The following BTBD9 variants were observed in gnomAD, a reference collection of about 807,000 sequenced individuals.
BTBD9 encodes the protein BTB/POZ domain-containing protein 9.
BTBD9 carries 49 observed loss-of-function variants against 64.3 expected under a neutral mutation model. That is an observed-to-expected ratio of 0.76 (90% CI 0.61 to 0.97). The LOEUF (loss-of-function observed/expected upper bound fraction) is 0.97, where lower values mean the gene tolerates loss of function less well. Among genes scored for constraint, BTBD9 ranks in the 50% least tolerant of loss-of-function variants. The probability of loss-of-function intolerance (pLI) is 0.00; values close to 1 mark genes in which losing one functional copy is unlikely to be tolerated. For missense variants in BTBD9, 598 were observed against 762.1 expected, an observed-to-expected ratio of 0.78 and a Z score of 2.53; for synonymous variants, 260 against 274.7, an observed-to-expected ratio of 0.95 and a Z score of 0.53.
In BTBD9 at chr6:38,290,381, G is replaced by GA. The variant is rs557497781; in HGVS notation, c.1265-1921dup. Among the ~76,000 whole-genome samples the GA allele has an allele frequency of 1.9e-3, 284 of 151,480 alleles. 1 individual carries two copies. Among genetic ancestry groups the GA allele is most frequent in the African/African-American group, 6.5e-3 (268 of 41,268 alleles). On this transcript the variant is annotated intron_variant, in intron 7 of 10. Transcript: ENST00000481247. The stretch of plus-strand genomic sequence containing the variant: ...TAAGTTATGGTACTTCTATCTCCTG[G>GA]AAAAAGGGCAGTATTCTTTGATTTG...
rs545387567 is a variant in BTBD9, at chr6:38,299,974, G to A, written c.1265-11513C>T. On this transcript the variant is annotated intron_variant, in intron 7 of 10. Transcript: ENST00000481247. ...TGGTATTGCCTAGGTTTTCTTCTAG[G>A]GTTTTTATGATTTTAGGTCTAACAT... is the stretch of plus-strand genomic sequence containing the variant. 5.6e-3 allele frequency among the ~76,000 whole-genome samples: 852 copies of A among 152,152 alleles called. 12 individuals carry two copies. Among genetic ancestry groups the A allele is most frequent in the African/African-American group, 0.019 (789 of 41,504 alleles).
At chr6:38,606,495 ATTAT>A (rs1777437056) in intron 1 of BTBD9, among the ~76,000 whole-genome samples, 1 of 131,810 alleles carries the variant, frequency 7.6e-6, no homozygotes, top group Non-Finnish European at 1.8e-5. Flanking sequence ...GTGACCTTTG[ATTAT>A]TTTAAATGAT....
At chr6:38,422,964 A>C (rs1232651105) in intron 6 of BTBD9, among the ~76,000 whole-genome samples, 2 of 151,970 alleles carry the variant, frequency 1.3e-5, no homozygotes, top group Non-Finnish European at 1.5e-5. Context: ...TCTCTATTTA[A>C]ATATATATTT....
At chr6:38,547,333 G>C (rs1774597601) in intron 6 of BTBD9, among the ~76,000 whole-genome samples, 2 of 152,180 alleles carry the variant, frequency 1.3e-5, no homozygotes, top group African/African-American at 4.8e-5. Context: ...AGGAGGCTGA[G>C]GTGGGAGGAT....
chr6:38,230,937 T>C (rs1763584566), intron 9 of BTBD9, among the ~76,000 whole-genome samples: 1 of 152,240 alleles, frequency 6.6e-6, no homozygotes. Flanking sequence ...TTATCAGTAG[T>C]TGAAACTTCC....
chr6:38,579,948 A>G (rs1428015602), intron 5 of BTBD9, among the ~76,000 whole-genome samples: 1 of 152,250 alleles, frequency 6.6e-6, no homozygotes, highest in African/African-American at 2.4e-5. Flanking sequence ...TAATGAGATT[A>G]CTAGCAATTT....
At chr6:38,214,109 G>A (rs928459956) in intron 9 of BTBD9, among the ~76,000 whole-genome samples, 8 of 151,858 alleles carry the variant, frequency 5.3e-5, no homozygotes, top group Non-Finnish European at 8.8e-5. Context: ...ATGACTTTTC[G>A]GGTCTGTCTG....
chr6:38,515,920 T>C (rs1773004316), intron 6 of BTBD9, among the ~76,000 whole-genome samples: 1 of 152,238 alleles, frequency 6.6e-6, no homozygotes, highest in Non-Finnish European at 1.5e-5. Flanking sequence ...ATTGGTAATG[T>C]TCTCTTTTTC....
rs553617384 is a variant in BTBD9 at position 38,206,077 on chromosome 6, G to A, written c.1563-13480C>T. On this transcript the variant is annotated intron_variant, in intron 9 of 10. Transcript: ENST00000481247. Reference sequence around the variant, plus strand: ...GGCAGCTTATGGGAACATCTCAAGGGAGAAAGAGAAACTAATTGACCAGAT... The same window carrying A: ...GGCAGCTTATGGGAACATCTCAAGGAAGAAAGAGAAACTAATTGACCAGAT... 9.9e-5 allele frequency among the ~76,000 whole-genome samples: 15 copies of A among 152,004 alleles called. No individual in the cohort carries two copies. The Middle Eastern group carries it at 0.01, about 103-fold the overall frequency.
chr6:38,527,262 T>C (rs1773545609), intron 6 of BTBD9, among the ~76,000 whole-genome samples: 1 of 32,312 alleles, frequency 3.1e-5, no homozygotes. Flanking sequence ...AGACTCTGTC[T>C]CAAAAAAAAA....
At chr6:38,566,660 A>G (rs1775531234) in intron 6 of BTBD9, among the ~76,000 whole-genome samples, 1 of 152,232 alleles carries the variant, frequency 6.6e-6, no homozygotes, top group Non-Finnish European at 1.5e-5. Flanking sequence ...TCAAGTAGAA[A>G]AGAAAATCAG....
At chr6:38,527,338 G>A (rs1046097600) in intron 6 of BTBD9, among the ~76,000 whole-genome samples, 5 of 146,506 alleles carry the variant, frequency 3.4e-5, no homozygotes, top group African/African-American at 1.0e-4. Flanking sequence ...ATATGACTTG[G>A]TTCTGTGTCC....
intron 9 of BTBD9, among the ~76,000 whole-genome samples, chr6:38,248,542 T>C (rs1764286305): frequency 1.3e-5 from 2 of 152,016 alleles, no homozygotes; most frequent in South Asian, 4.2e-4. Context: ...GGACAATACG[T>C]GAGGGAGTAT....
chr6:38,528,590 T>C (rs1027723188), intron 6 of BTBD9, among the ~76,000 whole-genome samples: 1 of 152,194 alleles, frequency 6.6e-6, no homozygotes, highest in African/African-American at 2.4e-5. Flanking sequence ...AGCTCAGTCA[T>C]GGTAGAATAT....
chr6:38,506,964 C>T (rs1221604817), intron 6 of BTBD9, among the ~76,000 whole-genome samples: 1 of 152,184 alleles, frequency 6.6e-6, no homozygotes, highest in African/African-American at 2.4e-5. Flanking sequence ...TAAAAACCTC[C>T]TGTTCCTGCT....
intron 9 of BTBD9, among the ~76,000 whole-genome samples, chr6:38,194,820 T>C (rs986596371): frequency 6.6e-6 from 1 of 152,142 alleles, no homozygotes; most frequent in Admixed American, 6.5e-5. Flanking sequence ...CTCTGGGCTC[T>C]GGCCCCACTG....
At chr6:38,502,948 T>A (rs774038876) in intron 6 of BTBD9, among the ~76,000 whole-genome samples, 67 of 152,296 alleles carry the variant, frequency 4.4e-4, no homozygotes, top group Non-Finnish European at 9.6e-4. Context: ...TAACGCAATG[T>A]GATAAGTGAT....
chr6:38,528,600 T>G (rs1051098190), intron 6 of BTBD9, among the ~76,000 whole-genome samples: 6 of 152,176 alleles, frequency 3.9e-5, no homozygotes, highest in African/African-American at 9.7e-5. Context: ...TGGTAGAATA[T>G]GGCACCAGGC....
rs533453749 is a variant in BTBD9 at position 38,594,046 on chromosome 6, T to C, written c.467A>G (p.Lys156Arg). 4 of 1,614,160 alleles carry C rather than the reference T, an allele frequency of 2.5e-6. No homozygotes were observed. In the South Asian group the frequency reaches 4.4e-5, roughly 18 times the overall value. Residue 156 changes from lysine (K) to arginine (R), a missense_variant, in exon 3 of 11, where the codon AAG becomes AGG. Transcript: ENST00000481247. ...AAACATGCAGCACATACAAGTTAAC[T>C]TGGGAAGTGAGTAGAGACTGGCAAC... ...FDVASLYSLP[K>R]LTCMCCMFMD...
Sources: allele counts gnomAD v4.1 joint callset (sites outside exome capture counted in the v4.1 genomes callset), GRCh38; gene constraint gnomAD v4.1.1; transcripts MANE v1.5; gene names NCBI Gene and HGNC (gene_info 2026-07-23, HGNC 2026-07-21).